ZDHHC11B: variants seen among roughly 807,000 people sequenced by gnomAD.
ZDHHC11B encodes the protein zDHHC palmitoyltransferase 11B (putative), also known as probable palmitoyltransferase ZDHHC11B.
In ZDHHC11B, 17 loss-of-function variants were observed where a neutral mutation model predicts 42.3. The observed-to-expected ratio is 0.40, with a 90% CI of 0.27 to 0.60. The LOEUF (loss-of-function observed/expected upper bound fraction) is 0.60. Among genes scored for constraint, ZDHHC11B ranks in the 20% least tolerant of loss-of-function variants. The pLI, the probability that ZDHHC11B is intolerant of heterozygous loss-of-function variation, is 0.41. For missense variants in ZDHHC11B, 262 were observed against 463.2 expected (o/e 0.57, Z 3.99); for synonymous variants, 123 against 193.5 (o/e 0.64, Z 3.02).
intron 12 of ZDHHC11B, among the ~76,000 whole-genome samples, chr5:717,790 T>A (rs1343818718): frequency 6.6e-6 from 1 of 151,744 alleles, no homozygotes; most frequent in East Asian, 1.9e-4. Flanking sequence ...CCCCCAGGAA[T>A]TGCCATGGAG....
chr5:764,729 G>A (rs1735052066), intron 4 of ZDHHC11B, among the ~76,000 whole-genome samples: 1 of 151,914 alleles, frequency 6.6e-6, no homozygotes, highest in Admixed American at 6.6e-5. Context: ...CACCACCCAA[G>A]GGCTGAGGAG....
intron 4 of ZDHHC11B, among the ~76,000 whole-genome samples, chr5:756,936 C>T (rs1486773166): frequency 6.6e-6 from 1 of 151,758 alleles, no homozygotes; most frequent in African/African-American, 2.4e-5. Flanking sequence ...ACTCAGGGAC[C>T]CTGGGCCTCT....
rs58690111 is a variant in ZDHHC11B at position 724,662 on chromosome 5, TACACACACAC to T, written c.1058+5762_1058+5771del. Among the ~76,000 whole-genome samples, 2 of 145,038 alleles carry T rather than the reference TACACACACAC, an allele frequency of 1.4e-5. 1 individual carries two copies. The highest frequency in any genetic ancestry group is 5.2e-5 in the African/African-American group (2 of 38,444). ...CATGCTCCATCTTTTGACCATCAGT[TACACACACAC>T]ACACACACACACACACAGACACACA... is the stretch of plus-strand genomic sequence containing the variant. On this transcript the variant is annotated intron_variant, in intron 12 of 13. Coordinates refer to ENST00000508859, the MANE Select transcript of ZDHHC11B (RefSeq NM_001351303.2).
rs796680303 is a variant in ZDHHC11B at position 784,175 on chromosome 5, G to A, written c.-230+493C>T. Among the ~76,000 whole-genome samples, 50 of 151,194 alleles carry A rather than the reference G, an allele frequency of 3.3e-4. 2 individuals carry two copies. Among genetic ancestry groups the A allele is most frequent in the African/African-American group, 1.1e-3 (46 of 41,192 alleles). ...CCCCGAGACCCGCTCATTCTGGGCC[G>A]TTTCTGTGGCCAGGGATCTCAAAAC... On this transcript the variant is annotated intron_variant, in intron 1 of 13. Transcript: ENST00000508859.
At chr5:722,298 T>A (rs1313486564) in intron 12 of ZDHHC11B, among the ~76,000 whole-genome samples, 1 of 151,770 alleles carries the variant, frequency 6.6e-6, no homozygotes, top group East Asian at 1.9e-4. Context: ...TATCTGTAAT[T>A]CACCCAACTG....
chr5:715,339 A>G (rs1339232700), intron 13 of ZDHHC11B, among the ~76,000 whole-genome samples: 2 of 150,532 alleles, frequency 1.3e-5, no homozygotes, highest in South Asian at 2.1e-4. Context: ...AGGCTCTGCT[A>G]CTCCTCAGCC....
chr5:745,266 T>C lies in ZDHHC11B; in HGVS notation c.817A>G (p.Ile273Val), dbSNP rs979334262. ...AKKMTTFEYL[I>V]NTRKEESSKH... ...GAACTCTCTTCTTTGCGGGTATTAA[T>C]GAGATACTCAAAGGTGGTCATCTTC... Residue 273 changes from isoleucine to valine, a missense_variant, in exon 9 of 14, where the codon ATT becomes GTT. Ile to Val is a conservative substitution (Grantham distance 29). Coordinates refer to ENST00000508859, the MANE Select transcript of ZDHHC11B (RefSeq NM_001351303.2). 5.0e-6 allele frequency: 8 copies of C among 1,609,012 alleles called. No homozygotes were observed. The highest frequency in any genetic ancestry group is 6.8e-6 in the Non-Finnish European group (8 of 1,177,870).
rs564779880 is a variant in ZDHHC11B at position 744,247 on chromosome 5, T to C, written c.900+936A>G. On this transcript the variant is annotated intron_variant, in intron 9 of 13. Coordinates refer to ENST00000508859, the MANE Select transcript of ZDHHC11B (RefSeq NM_001351303.2). Reference sequence around the variant, plus strand: ...TTTCCCAAGGTCTTATCAGTGATCTTTGCCTGTGTTTCCTGAATGTATTGG... The same window carrying C: ...TTTCCCAAGGTCTTATCAGTGATCTCTGCCTGTGTTTCCTGAATGTATTGG... 2.2e-3 allele frequency among the ~76,000 whole-genome samples: 330 copies of C among 149,796 alleles called. 9 individuals carry two copies. The highest frequency in any genetic ancestry group is 6.9e-3 in the Middle Eastern group (2 of 290).
At chr5:751,439 AGGGGC>A (rs1745690241) in intron 6 of ZDHHC11B, among the ~76,000 whole-genome samples, 182 bp from the exon 7 acceptor site, 1 of 22,772 alleles carries the variant, frequency 4.4e-5, no homozygotes, top group Non-Finnish European at 9.9e-5. Context: ...GCGGGGAGGC[AGGGGC>A]AGGGACACGC....
At position 728,817 on chromosome 5, in the gene ZDHHC11B, T is replaced by A. The variant is rs1742785688; in HGVS notation, c.1058+1617A>T. Reference sequence around the variant, plus strand: ...CAGGCAAATAGCTTGAGCTCAGGAGTTCGAGACCAGTGTGGGCAACATGGT... The same window carrying A: ...CAGGCAAATAGCTTGAGCTCAGGAGATCGAGACCAGTGTGGGCAACATGGT... On this transcript the variant is annotated intron_variant, in intron 12 of 13. Transcript: ENST00000508859. Among the ~76,000 whole-genome samples the A allele has an allele frequency of 1.3e-5, 2 of 151,464 alleles. 1 individual carries two copies. The highest frequency in any genetic ancestry group is 4.9e-5 in the African/African-American group (2 of 41,192).
At chr5:762,361 C>A (rs60091942) in intron 4 of ZDHHC11B, among the ~76,000 whole-genome samples, 16,042 of 147,100 alleles carry the variant, frequency 0.11, 264 homozygotes, top group African/African-American at 0.16. Flanking sequence ...AGCAAGATAG[C>A]GCCCAGGATG....
At chr5:743,671 T>A (rs531254285) in intron 9 of ZDHHC11B, among the ~76,000 whole-genome samples, 1 of 150,142 alleles carries the variant, frequency 6.7e-6, no homozygotes, top group South Asian at 2.2e-4. Context: ...GAAAGGAAGT[T>A]TTAAAAATAT....
intron 12 of ZDHHC11B, among the ~76,000 whole-genome samples, chr5:720,473 G>A (rs1425265540): frequency 6.6e-6 from 1 of 151,736 alleles, no homozygotes; most frequent in Non-Finnish European, 1.5e-5. Context: ...TTCTCAGATA[G>A]ACAAAAATTG....
chr5:772,440 G>A (rs1256227122), intron 1 of ZDHHC11B, among the ~76,000 whole-genome samples: 1 of 151,900 alleles, frequency 6.6e-6, no homozygotes, highest in Admixed American at 6.6e-5. Context: ...AAAATGCTTC[G>A]GGCTGGGACT....
intron 1 of ZDHHC11B, among the ~76,000 whole-genome samples, chr5:769,706 CA>C (rs1364006018): frequency 2.0e-5 from 3 of 151,982 alleles, no homozygotes; most frequent in Admixed American, 6.6e-5. Flanking sequence ...ACGGGCTGGA[CA>C]GGCCTAGTGC....
At chr5:754,189 C>T (rs1286278124) in intron 6 of ZDHHC11B, among the ~76,000 whole-genome samples, 1 of 86,394 alleles carries the variant, frequency 1.2e-5, no homozygotes, top group African/African-American at 5.1e-5. Context: ...CATCTCTCGT[C>T]TATGAGCCTC....
Position 746,255 on chromosome 5 carries a change from G to A in ZDHHC11B, c.785-957C>T, listed in dbSNP as rs1308175171. Among the ~76,000 whole-genome samples, 4 of 146,418 alleles carry A rather than the reference G, an allele frequency of 2.7e-5. 1 individual carries two copies. Among genetic ancestry groups the A allele is most frequent in the Non-Finnish European group, 4.5e-5 (3 of 66,442 alleles). ...GAGACTGGGGCGGCCGCCCACAGAG[G>A]CCTATTTGCAGTGAGGAGCAGATGG... On this transcript the variant is annotated intron_variant, in intron 8 of 13. Transcript: ENST00000508859.
At chr5:770,410 G>A (rs1377286390) in intron 1 of ZDHHC11B, among the ~76,000 whole-genome samples, 9 of 150,474 alleles carry the variant, frequency 6.0e-5, no homozygotes, top group African/African-American at 2.2e-4. Flanking sequence ...AGCCCAGGGT[G>A]GGAGCTGAGC....
intron 12 of ZDHHC11B, among the ~76,000 whole-genome samples, chr5:725,144 C>T (rs538985349): frequency 0.015 from 2,216 of 150,808 alleles, 1 homozygote; most frequent in Non-Finnish European, 0.023. Context: ...CTTCAGAACA[C>T]GCATGTGAGT....
Sources: allele counts gnomAD v4.1 joint callset (sites outside exome capture counted in the v4.1 genomes callset), GRCh38; gene constraint gnomAD v4.1.1; transcripts MANE v1.5; gene names NCBI Gene and HGNC (gene_info 2026-07-23, HGNC 2026-07-21).